RABGAP1L: variants seen among roughly 807,000 people sequenced by gnomAD.
RABGAP1L encodes the protein RAB GTPase activating protein 1 like, also known as rab GTPase-activating protein 1-like.
RABGAP1L carries 63 observed loss-of-function variants against 137.7 expected under a neutral mutation model. That is an observed-to-expected ratio of 0.46 (90% CI 0.37 to 0.56). RABGAP1L has a LOEUF of 0.56. Among genes scored for constraint, RABGAP1L ranks in the 20% least tolerant of loss-of-function variants. The probability of loss-of-function intolerance (pLI) is 0.00; values close to 1 mark genes in which losing one functional copy is unlikely to be tolerated. For synonymous variants in RABGAP1L, 431 were observed against 433.7 expected, an observed-to-expected ratio of 0.99 and a Z score of 0.08; for missense variants, 1,095 against 1,244.0, an observed-to-expected ratio of 0.88 and a Z score of 1.80.
At chr1:174,400,681 C>T (rs1648464489) in intron 13 of RABGAP1L, among the ~76,000 whole-genome samples, 1 of 151,994 alleles carries the variant, frequency 6.6e-6, no homozygotes, top group African/African-American at 2.4e-5. Flanking sequence ...AGCAGCTGTT[C>T]CTGGTGAACT....
At position 174,664,468 on chromosome 1, in the gene RABGAP1L, A is replaced by G. The variant is rs185976009; in HGVS notation, c.1825-19054A>G. Among the ~76,000 whole-genome samples the G allele has an allele frequency of 3.3e-5, 5 of 152,350 alleles. No individual in the cohort carries two copies. In the East Asian group the frequency reaches 9.6e-4, roughly 29 times the overall value. On this transcript the variant is annotated intron_variant, in intron 14 of 25. Coordinates refer to ENST00000681986, the MANE Select transcript of RABGAP1L (RefSeq NM_001366446.1). ...AACACAAACCATTGAATGGATGATTACTAGTGAGTAATTTTCAAAATATTT... is the reference window on the plus strand; with the variant it reads ...AACACAAACCATTGAATGGATGATTGCTAGTGAGTAATTTTCAAAATATTT...
At chr1:174,294,543 G>A (rs941308863) in intron 10 of RABGAP1L, among the ~76,000 whole-genome samples, 5 of 152,162 alleles carry the variant, frequency 3.3e-5, no homozygotes, top group East Asian at 1.9e-4. Flanking sequence ...CCTCAGGTAC[G>A]GAGGAACCAC....
At chr1:174,262,194 A>G (rs1283465814) in intron 7 of RABGAP1L, among the ~76,000 whole-genome samples, 1 of 152,214 alleles carries the variant, frequency 6.6e-6, no homozygotes, top group Non-Finnish European at 1.5e-5. Context: ...GGAAGCTTCT[A>G]TCTGACTCTC....
chr1:174,682,909 G>A (rs1489273867), intron 14 of RABGAP1L, among the ~76,000 whole-genome samples: 2 of 152,172 alleles, frequency 1.3e-5, no homozygotes, highest in African/African-American at 4.8e-5. Context: ...GAGGCTGTCA[G>A]CCATTTTGCA....
At chr1:174,589,683 T>A (rs1348670814) in intron 13 of RABGAP1L, among the ~76,000 whole-genome samples, 1 of 152,188 alleles carries the variant, frequency 6.6e-6, no homozygotes, top group Non-Finnish European at 1.5e-5. Context: ...ATATGGATTA[T>A]TCAGTCTTCC....
intron 1 of RABGAP1L, among the ~76,000 whole-genome samples, chr1:174,212,525 A>G (rs1370079389): frequency 6.6e-6 from 1 of 152,110 alleles, no homozygotes; most frequent in Non-Finnish European, 1.5e-5. Context: ...ACCAAAACAT[A>G]TATGATACAG....
rs985149703 is a variant in RABGAP1L, at chr1:174,757,245, A to G, written c.2211+4891A>G. 8 of 200,930 alleles carry G rather than the reference A, an allele frequency of 4.0e-5. No homozygotes were observed. The South Asian group carries it at 6.2e-4, about 16-fold the overall frequency. 12.4% of individuals were successfully genotyped at this position (200,930 alleles called of 1,614,324 possible). ...CCACAATTTATTTAACCAATTTTAT[A>G]TTTAGTTTTTATGGACATTTGTTTC... On this transcript the variant is annotated intron_variant, in intron 18 of 25. Coordinates refer to ENST00000681986, the MANE Select transcript of RABGAP1L (RefSeq NM_001366446.1).
intron 17 of RABGAP1L, among the ~76,000 whole-genome samples, chr1:174,739,179 C>T (rs915249844): frequency 1.3e-5 from 2 of 152,138 alleles, no homozygotes; most frequent in Admixed American, 1.3e-4. Flanking sequence ...AATAAAGGAA[C>T]AAGCACTCTC....
At chr1:174,583,411 G>A (rs1482211975) in intron 13 of RABGAP1L, among the ~76,000 whole-genome samples, 1 of 152,100 alleles carries the variant, frequency 6.6e-6, no homozygotes, top group Non-Finnish European at 1.5e-5. Flanking sequence ...AGATAGTGGT[G>A]ATCAAACTTT....
chr1:174,753,068 A>G (rs1480761882), intron 18 of RABGAP1L, among the ~76,000 whole-genome samples: 1 of 152,226 alleles, frequency 6.6e-6, no homozygotes, highest in East Asian at 1.9e-4. Flanking sequence ...CTGGACTCAG[A>G]CAGATTTGCT....
chr1:174,776,697 T>C (rs1160006983), intron 18 of RABGAP1L, among the ~76,000 whole-genome samples: 1 of 152,206 alleles, frequency 6.6e-6, no homozygotes, highest in Non-Finnish European at 1.5e-5. Flanking sequence ...CCATCCTTTT[T>C]CCCTCCATTT....
intron 11 of RABGAP1L, among the ~76,000 whole-genome samples, chr1:174,324,295 C>T (rs1480736393): frequency 6.6e-6 from 1 of 151,888 alleles, no homozygotes; most frequent in East Asian, 1.9e-4. Flanking sequence ...ATTAGTGAGG[C>T]TTATAAATGA....
At chr1:174,808,044 C>T (rs1398490231) in intron 18 of RABGAP1L, among the ~76,000 whole-genome samples, 4 of 145,824 alleles carry the variant, frequency 2.7e-5, no homozygotes, top group African/African-American at 1.0e-4. Context: ...AGTGCAGTGG[C>T]GCGATCTCGG....
chr1:174,655,707 A>G (rs1252317332), intron 14 of RABGAP1L, among the ~76,000 whole-genome samples: 2 of 152,206 alleles, frequency 1.3e-5, no homozygotes, highest in African/African-American at 4.8e-5. Context: ...TTTATATGTT[A>G]TATCAATATG....
chr1:174,190,610 C>G (rs2148335396), intron 1 of RABGAP1L, among the ~76,000 whole-genome samples: 1 of 152,330 alleles, frequency 6.6e-6, no homozygotes, highest in East Asian at 1.9e-4. Context: ...GTTTGATATT[C>G]TATCCAAAGC....
At chr1:174,468,830 T>G (rs1401164783) in intron 13 of RABGAP1L, among the ~76,000 whole-genome samples, 1 of 152,206 alleles carries the variant, frequency 6.6e-6, no homozygotes. Context: ...TAGTGCAGGA[T>G]GCCATACGTG....
At chr1:174,956,762 C>T (rs1438087352) in intron 19 of RABGAP1L, among the ~76,000 whole-genome samples, 1 of 151,706 alleles carries the variant, frequency 6.6e-6, no homozygotes, top group Non-Finnish European at 1.5e-5. Flanking sequence ...AGGCTCATGC[C>T]TCAGCCTCCA....
Position 174,783,944 on chromosome 1 carries a change from A to G in RABGAP1L, c.2212-27888A>G, listed in dbSNP as rs1257124514. The stretch of plus-strand genomic sequence containing the variant: ...AGGATGGTCTCCATCTCATGACCTC[A>G]TGATCCTCCCGCCTCGCCCTCCTAG... On this transcript the variant is annotated intron_variant, in intron 18 of 25. Coordinates refer to ENST00000681986, the MANE Select transcript of RABGAP1L (RefSeq NM_001366446.1). Among the ~76,000 whole-genome samples the G allele has an allele frequency of 1.2e-4, 17 of 141,434 alleles. No individual in the cohort carries two copies. The East Asian group carries it at 3.6e-3, about 30-fold the overall frequency. 92.8% of individuals were successfully genotyped at this position (141,434 alleles called of 152,430 possible).
At chr1:174,956,754 G>T (rs1002762327) in intron 19 of RABGAP1L, among the ~76,000 whole-genome samples, 1 of 151,338 alleles carries the variant, frequency 6.6e-6, no homozygotes, top group Non-Finnish European at 1.5e-5. Flanking sequence ...TTCAAGCCAG[G>T]CTCATGCCTC....
Sources: gnomAD v4.1 joint callset for allele counts (sites outside exome capture counted in the v4.1 genomes callset) on GRCh38, gnomAD v4.1.1 for gene constraint, MANE v1.5 for transcripts, NCBI Gene and HGNC (gene_info 2026-07-23, HGNC 2026-07-21) for gene names.